Variants in ZBBX observed in about 807,000 individuals in gnomAD.
ZBBX encodes the protein zinc finger B-box domain-containing protein 1.
In ZBBX, 101 loss-of-function variants were observed where a neutral mutation model predicts 108.5. The observed-to-expected ratio is 0.93, with a 90% CI of 0.79 to 1.10. The LOEUF is 1.10. ZBBX is among the 50% of genes least tolerant of loss of function. The probability of loss-of-function intolerance (pLI) is 0.00; values close to 1 mark genes in which losing one functional copy is unlikely to be tolerated. For synonymous variants in ZBBX, 356 were observed against 323.4 expected (o/e 1.10, Z -1.08); for missense variants, 1,009 against 941.4 (o/e 1.07, Z -0.94).
At chr3:167,344,089 C>T (rs1035054977) in intron 9 of ZBBX, among the ~76,000 whole-genome samples, 7 of 151,532 alleles carry the variant, frequency 4.6e-5, no homozygotes, top group South Asian at 2.1e-4. Context: ...ACATTGAAAA[C>T]GTTATGCAAG....
chr3:167,317,615 A>G lies in ZBBX; in HGVS notation c.984-18T>C. On this transcript the variant is annotated intron_variant, in intron 12 of 21. Transcript: ENST00000675490. ...GTGGAGTTCTACAAAATAAGAAAGA[A>G]GCAATTAAGAGACTGAAATATATTA... 6.5e-7 allele frequency: 1 copy of G among 1,542,542 alleles called. No homozygotes were observed. Among genetic ancestry groups the G allele is most frequent in the Non-Finnish European group, 8.9e-7 (1 of 1,126,512 alleles).
chr3:167,238,945 A>C (rs1469720290), downstream of ZBBX, among the ~76,000 whole-genome samples: 2 of 152,144 alleles, frequency 1.3e-5, no homozygotes, highest in Non-Finnish European at 2.9e-5. Context: ...TAGAACAAAT[A>C]AGATATGTGT....
At chr3:167,202,968 T>C in the ZBBX span, among the ~76,000 whole-genome samples, 2 of 152,118 alleles carry the variant, frequency 1.3e-5, no homozygotes, top group Non-Finnish European at 1.5e-5. Context: ...TGCTTCCCCA[T>C]AGTGTCATAT....
intron 21 of ZBBX, 62 bp from the exon 22 acceptor site, chr3:167,240,981 T>C (rs1172696209): frequency 1.3e-5 from 20 of 1,579,384 alleles, no homozygotes; most frequent in Non-Finnish European, 1.5e-5. Context: ...TCTTCATTTA[T>C]CTTCTGATCA....
chr3:167,227,956 T>C, the ZBBX span, among the ~76,000 whole-genome samples: 1 of 151,684 alleles, frequency 6.6e-6, no homozygotes, highest in Non-Finnish European at 1.5e-5. Flanking sequence ...TGTGTATAGC[T>C]GGATAATGAC....
intron 15 of ZBBX, 93 bp from the exon 16 acceptor site, chr3:167,314,209 G>GT (rs1197776835): frequency 9.3e-7 from 1 of 1,071,742 alleles, no homozygotes; most frequent in African/African-American, 1.6e-5. Context: ...AACAAATATA[G>GT]TAAAACTTTA....
At chr3:167,403,806 A>T (rs1748497624) in intron 1 of ZBBX, among the ~76,000 whole-genome samples, 1 of 152,066 alleles carries the variant, frequency 6.6e-6, no homozygotes, top group Non-Finnish European at 1.5e-5. Context: ...GTATAATAAA[A>T]ATCTAACAGG....
At chr3:167,182,136 C>T in the ZBBX span, among the ~76,000 whole-genome samples, 3 of 152,046 alleles carry the variant, frequency 2.0e-5, no homozygotes, top group Non-Finnish European at 4.4e-5. Flanking sequence ...TTTTTACAGT[C>T]TTTTTTAGTG....
chr3:167,217,527 G>A, the ZBBX span, among the ~76,000 whole-genome samples: 1 of 152,104 alleles, frequency 6.6e-6, no homozygotes, highest in African/African-American at 2.4e-5. Context: ...GTGTAAATTA[G>A]TTCAATCTTT....
the ZBBX span, among the ~76,000 whole-genome samples, chr3:167,192,597 C>T: frequency 1.3e-5 from 2 of 152,092 alleles, no homozygotes. Context: ...TTTTTGAACA[C>T]CAATAATTCT....
At chr3:167,210,509 CAAAG>C in the ZBBX span, among the ~76,000 whole-genome samples, 3 of 152,102 alleles carry the variant, frequency 2.0e-5, no homozygotes, top group African/African-American at 7.2e-5. Context: ...GGGATAATAA[CAAAG>C]AACTTTCCAA....
In ZBBX at chr3:167,288,927, C is replaced by G. The variant is rs1437780790; in HGVS notation, c.1936G>C (p.Val646Leu). ...SLSEYADNAI[V>L]LGVLQGAQSP... Reference sequence around the variant, plus strand: ...TGAGCACCCTGCAGAACACCCAAGACAATTGCATTATCAGCATATTCACTT... The same window carrying G: ...TGAGCACCCTGCAGAACACCCAAGAGAATTGCATTATCAGCATATTCACTT... Residue 646 changes from valine (V) to leucine (L), a missense_variant, in exon 19 of 22, where the codon GTC (valine) becomes CTC (leucine). Coordinates refer to ENST00000675490, the MANE Select transcript of ZBBX (RefSeq NM_001199201.2). 1 of 1,545,032 alleles carries G rather than the reference C, an allele frequency of 6.5e-7. No homozygotes were observed. Among genetic ancestry groups the G allele is most frequent in the Non-Finnish European group, 8.7e-7 (1 of 1,143,172 alleles).
chr3:167,282,710 T>C, intron 19 of ZBBX: 2 of 446,064 alleles, frequency 4.5e-6, no homozygotes, highest in Non-Finnish European at 7.9e-6. Context: ...CTGTGTATTT[T>C]TTTCCTAATT....
chr3:167,291,101 G>C (rs762022051), intron 18 of ZBBX, among the ~76,000 whole-genome samples: 11 of 152,018 alleles, frequency 7.2e-5, no homozygotes, highest in Non-Finnish European at 1.5e-4. Context: ...TCAAAGTGAC[G>C]GGGAGAATGG....
intron 20 of ZBBX, among the ~76,000 whole-genome samples, chr3:167,260,397 G>A (rs771064500): frequency 6.6e-6 from 1 of 152,162 alleles, no homozygotes; most frequent in Admixed American, 6.5e-5. Context: ...AGGCCGGGAA[G>A]TTTTCCTCGA....
intron 2 of ZBBX, among the ~76,000 whole-genome samples, chr3:167,376,522 AT>A (rs1162913525): frequency 6.6e-6 from 1 of 152,144 alleles, no homozygotes; most frequent in Non-Finnish European, 1.5e-5. Flanking sequence ...AATTGCTATA[AT>A]TTTGCTTACA....
chr3:167,348,922 C>G (rs1228825411), intron 9 of ZBBX, among the ~76,000 whole-genome samples: 1 of 152,020 alleles, frequency 6.6e-6, no homozygotes, highest in Non-Finnish European at 1.5e-5. Flanking sequence ...AGAAAGCATA[C>G]TGTATGCCAT....
At chr3:167,404,983 T>C (rs922590375) in intron 1 of ZBBX, among the ~76,000 whole-genome samples, 5 of 152,078 alleles carry the variant, frequency 3.3e-5, no homozygotes, top group Non-Finnish European at 7.4e-5. Flanking sequence ...TAGAAACTGG[T>C]CACTTAGATG....
chr3:167,190,377 C>CT, the ZBBX span, among the ~76,000 whole-genome samples: 1,801 of 113,642 alleles, frequency 0.016, 45 homozygotes, highest in Non-Finnish European at 0.02. Flanking sequence ...AACTTACCTA[C>CT]TTTTTTTTTT....
Sources: gnomAD v4.1 joint callset for allele counts (sites outside exome capture counted in the v4.1 genomes callset) on GRCh38, gnomAD v4.1.1 for gene constraint, MANE v1.5 for transcripts, NCBI Gene and HGNC (gene_info 2026-07-23, HGNC 2026-07-21) for gene names.